The following HSF2BP variants were observed in gnomAD, a reference collection of about 807,000 sequenced individuals.
HSF2BP encodes heat shock transcription factor 2 binding protein, also known as heat shock factor 2-binding protein.
A neutral mutation model predicts 35.0 loss-of-function variants in HSF2BP; 35 were observed. That is an observed-to-expected ratio of 1.00 (90% confidence interval 0.76 to 1.32). HSF2BP has a LOEUF of 1.32. Ranked by LOEUF, HSF2BP falls within the 40% of genes most tolerant of loss-of-function variation. The pLI is 0.00. For missense variants in HSF2BP, 326 were observed against 321.7 expected (o/e 1.01, Z -0.10); for synonymous variants, 114 against 117.4 (o/e 0.97, Z 0.18).
At chr21:43,633,148 G>T in intron 5 of HSF2BP, 124 bp downstream of exon 5, 4 of 1,003,098 alleles carry the variant, frequency 4.0e-6, no homozygotes, top group South Asian at 1.9e-5. Flanking sequence ...ATAACTAGCT[G>T]ATGAGTGAAC....
At chr21:43,576,428 C>T (rs890295816) in intron 8 of HSF2BP, among the ~76,000 whole-genome samples, 1 of 152,194 alleles carries the variant, frequency 6.6e-6, no homozygotes, top group African/African-American at 2.4e-5. Context: ...ATAAAGATTA[C>T]ACCAAATCCC....
At chr21:43,657,956 A>T in intron 2 of HSF2BP, 105 bp downstream of exon 2, 1 of 1,519,020 alleles carries the variant, frequency 6.6e-7, no homozygotes, top group Non-Finnish European at 8.8e-7. Context: ...GCTTCCCCCA[A>T]GCACGCGACA....
chr21:43,609,231 G>C (rs1237094890), intron 7 of HSF2BP, among the ~76,000 whole-genome samples: 2 of 152,000 alleles, frequency 1.3e-5, no homozygotes, highest in African/African-American at 2.4e-5. Context: ...CTAAACCCTT[G>C]GTATACGCGG....
rs954583715 is a variant in HSF2BP at position 43,621,295 on chromosome 21, G to T, written c.575-7348C>A. 2.6e-5 allele frequency among the ~76,000 whole-genome samples: 4 copies of T among 152,350 alleles called. No homozygotes were observed. In the South Asian group the frequency reaches 8.3e-4, roughly 32 times the overall value. ...TAATCCCAGCACTTAGGGAGGCCAAGGCAGGCAGATCACTTGAGGTTAGGA... is the reference window on the plus strand; with the variant it reads ...TAATCCCAGCACTTAGGGAGGCCAATGCAGGCAGATCACTTGAGGTTAGGA... On this transcript the variant is annotated intron_variant, in intron 6 of 8. Transcript: ENST00000291560.
At chr21:43,574,938 C>T (rs1185855806) in intron 8 of HSF2BP, among the ~76,000 whole-genome samples, 1 of 152,172 alleles carries the variant, frequency 6.6e-6, no homozygotes, top group Admixed American at 6.5e-5. Context: ...CAGCTCAGGG[C>T]CTCAGGCTCT....
At chr21:43,574,212 A>G (rs1422053762) in intron 8 of HSF2BP, among the ~76,000 whole-genome samples, 1 of 152,200 alleles carries the variant, frequency 6.6e-6, no homozygotes, top group Non-Finnish European at 1.5e-5. Flanking sequence ...TATTCAATTT[A>G]GCACTTAAAT....
chr21:43,633,633 G>A lies in HSF2BP; in HGVS notation c.292-212C>T, dbSNP rs193028821. On this transcript the variant is annotated intron_variant, in intron 4 of 8. Coordinates refer to ENST00000291560, the MANE Select transcript of HSF2BP (RefSeq NM_007031.2). ...AATATTTGAGAAATATCTGAGGAAA[G>A]AACATACTACCACATTATGGTTGAT... Among the ~76,000 whole-genome samples the A allele has an allele frequency of 2.6e-5, 4 of 152,310 alleles. No homozygotes were observed. In the East Asian group the frequency reaches 7.7e-4, roughly 29 times the overall value.
chr21:43,620,199 G>T (rs1372382134), intron 6 of HSF2BP, among the ~76,000 whole-genome samples: 2 of 152,130 alleles, frequency 1.3e-5, no homozygotes, highest in African/African-American at 4.8e-5. Flanking sequence ...ATATCCATAA[G>T]AAACAACAGG....
chr21:43,658,085 C>A lies in HSF2BP; in HGVS notation c.12G>T (p.Ala4=). The change falls in exon 2 of 9, where the codon GCG becomes GCT. Residue 4 remains alanine, a synonymous_variant. Transcript: ENST00000291560. MGE[A]GAAEEACRHM... ...CCCGGCAGGCCTCCTCAGCGGCGCCCGCTTCGCCCATGGCCGCTGCCGCCT... is the reference window on the plus strand; with the variant it reads ...CCCGGCAGGCCTCCTCAGCGGCGCCAGCTTCGCCCATGGCCGCTGCCGCCT... The A allele has an allele frequency of 6.5e-7, 1 of 1,535,252 alleles. No homozygotes were observed. The highest frequency in any genetic ancestry group is 1.2e-5 in the South Asian group (1 of 83,828).
intron 3 of HSF2BP, among the ~76,000 whole-genome samples, chr21:43,653,224 AAGGGAAGGGGAAGGGAAGGGG>A (rs1377815849): frequency 7.7e-5 from 9 of 116,500 alleles, no homozygotes; most frequent in Admixed American, 5.5e-4. Flanking sequence ...AGGGGAAGGG[AAGGGAAGGGGAAGGGAAGGGG>A]AGGGGAGGGG....
At chr21:43,586,755 A>C (rs148889380) in intron 8 of HSF2BP, among the ~76,000 whole-genome samples, 9 of 152,300 alleles carry the variant, frequency 5.9e-5, no homozygotes, top group African/African-American at 2.2e-4. Context: ...AATTGATAAA[A>C]GTAGGAACTG....
intron 8 of HSF2BP, among the ~76,000 whole-genome samples, chr21:43,574,508 C>T (rs1310241384): frequency 1.3e-5 from 2 of 152,162 alleles, no homozygotes; most frequent in Non-Finnish European, 2.9e-5. Context: ...CAGGCACCCG[C>T]CACCACGCCT....
intron 7 of HSF2BP, among the ~76,000 whole-genome samples, chr21:43,605,250 C>T (rs1480596602): frequency 1.4e-5 from 2 of 147,696 alleles, no homozygotes; most frequent in East Asian, 2.0e-4. Context: ...CCACACACCA[C>T]GCACCCACAT....
chr21:43,592,122 G>A (rs2081932990), intron 8 of HSF2BP, 103 bp downstream of exon 8: 6 of 712,972 alleles, frequency 8.4e-6, no homozygotes, highest in Middle Eastern at 2.4e-4. Context: ...GCTATCTCTG[G>A]TTTCAGACAT....
At chr21:43,621,796 T>TA (rs2082334272) in intron 6 of HSF2BP, among the ~76,000 whole-genome samples, 1 of 151,810 alleles carries the variant, frequency 6.6e-6, no homozygotes, top group South Asian at 2.1e-4. Context: ...ATTGAGGGTA[T>TA]AAAACCCACT....
At chr21:43,658,537 G>A (rs968029228) in intron 1 of HSF2BP, among the ~76,000 whole-genome samples, 1 of 152,218 alleles carries the variant, frequency 6.6e-6, no homozygotes. Flanking sequence ...CACCTCGGGA[G>A]GTCGCCTAGA....
At chr21:43,646,146 TAAA>T (rs528851853) in intron 3 of HSF2BP, among the ~76,000 whole-genome samples, 2 of 129,694 alleles carry the variant, frequency 1.5e-5, no homozygotes, top group South Asian at 2.5e-4. Context: ...TCCCATCTCT[TAAA>T]AAAAAAAAAA....
intron 8 of HSF2BP, among the ~76,000 whole-genome samples, chr21:43,586,167 A>G (rs1335112520): frequency 6.6e-6 from 1 of 151,992 alleles, no homozygotes; most frequent in Non-Finnish European, 1.5e-5. Flanking sequence ...ATCTCAATAC[A>G]CTCTGTCCTC....
the HSF2BP span, among the ~76,000 whole-genome samples, chr21:43,498,846 T>TAC: frequency 4.3e-5 from 5 of 116,800 alleles, 2 homozygotes; most frequent in South Asian, 2.8e-4. Context: ...ATTTTAAATG[T>TAC]ACACACACAC....
Sources: allele counts gnomAD v4.1 joint callset (sites outside exome capture counted in the v4.1 genomes callset), GRCh38; gene constraint gnomAD v4.1.1; transcripts MANE v1.5; gene names NCBI Gene and HGNC (gene_info 2026-07-23, HGNC 2026-07-21).